The following NEMF variants were observed in gnomAD, a reference collection of about 807,000 sequenced individuals.
NEMF encodes nuclear export mediator factor.
NEMF carries 89 observed loss-of-function variants against 162.2 expected under a neutral mutation model. The observed-to-expected ratio is 0.55, with a 90% confidence interval of 0.46 to 0.65. NEMF has a LOEUF of 0.65. NEMF is among the 30% of genes least tolerant of loss of function. The probability of loss-of-function intolerance (pLI) is 0.00; values close to 1 mark genes in which losing one functional copy is unlikely to be tolerated. For missense variants in NEMF, 1,133 were observed against 1,261.9 expected (o/e 0.90, Z 1.55); for synonymous variants, 421 against 404.5 (o/e 1.04, Z -0.49).
chr14:49,834,732 C>T (rs941631107), intron 6 of NEMF, among the ~76,000 whole-genome samples: 3 of 152,172 alleles, frequency 2.0e-5, no homozygotes, highest in African/African-American at 4.8e-5. Flanking sequence ...ATCCACTCAC[C>T]TCAACCTCCA....
intron 1 of NEMF, among the ~76,000 whole-genome samples, chr14:49,852,173 G>GA (rs61482799): frequency 1.3e-5 from 2 of 151,518 alleles, no homozygotes; most frequent in African/African-American, 4.9e-5. Context: ...TTACAAGGGA[G>GA]AAAAAAAAAA....
Position 49,825,914 on chromosome 14 carries a change from T to C in NEMF, c.1530A>G (p.Lys510=). 6.2e-7 allele frequency: 1 copy of C among 1,611,740 alleles called. No homozygotes were observed. Among genetic ancestry groups the C allele is most frequent in the Admixed American group, 1.7e-5 (1 of 59,962 alleles). ...SAEKKTKQTL[K]EVQTVTSIQK... ...GAATAGAGGTAACAGTCTGAACTTCTTTTAATGTTTGCTTTGTTTTCTTTT... is the reference window on the plus strand; with the variant it reads ...GAATAGAGGTAACAGTCTGAACTTCCTTTAATGTTTGCTTTGTTTTCTTTT... Residue 510 remains lysine (K), a synonymous_variant, in exon 16 of 33, where the codon AAA becomes AAG. Coordinates refer to ENST00000298310, the MANE Select transcript of NEMF (RefSeq NM_004713.6).
chr14:49,846,910 G>C (rs570970633), intron 3 of NEMF, among the ~76,000 whole-genome samples: 1 of 152,218 alleles, frequency 6.6e-6, no homozygotes, highest in Non-Finnish European at 1.5e-5. Flanking sequence ...TTTTGAGAGA[G>C]AGTCTCGCTC....
intron 5 of NEMF, among the ~76,000 whole-genome samples, chr14:49,838,454 T>C (rs953513728): frequency 5.9e-5 from 9 of 152,176 alleles, no homozygotes; most frequent in Admixed American, 3.9e-4. Flanking sequence ...TTGTCAGCAA[T>C]GTGCCCACAT....
At chr14:49,786,890 T>C (rs1029813364) in intron 28 of NEMF, 140 bp from the exon 29 acceptor site, 2 of 688,538 alleles carry the variant, frequency 2.9e-6, no homozygotes, top group African/African-American at 3.6e-5. Flanking sequence ...CTCAAGGTTA[T>C]ATTCTTCCTA....
rs201631894 is a variant in NEMF at position 49,822,351 on chromosome 14, GA to G, written c.1577+3515del. Among the ~76,000 whole-genome samples the G allele has an allele frequency of 3.1e-3, 442 of 143,952 alleles. 16 individuals are homozygous for G. The East Asian group carries it at 0.076, about 25-fold the overall frequency. 94.4% of individuals were successfully genotyped at this position (143,952 alleles called of 152,430 possible). A position where few individuals can be genotyped will look rare whatever the true frequency, so the allele number is the denominator to read the frequency against. ...ACATTTTAATAAAAAAAAAAAAGAG[GA>G]AAAAAAAAAAGTACAAAAGTTAGCC... is the stretch of plus-strand genomic sequence containing the variant. On this transcript the variant is annotated intron_variant, in intron 16 of 32. Transcript: ENST00000298310.
chr14:49,824,367 ACCC>A (rs1892234041), intron 16 of NEMF, among the ~76,000 whole-genome samples: 1 of 151,540 alleles, frequency 6.6e-6, no homozygotes, highest in South Asian at 2.1e-4. Flanking sequence ...GTAAGGTGAA[ACCC>A]CATCTCTACT....
Position 49,806,149 on chromosome 14 carries a change from A to T in NEMF, c.1745-16T>A, listed in dbSNP as rs766691701. On this transcript the variant is annotated splice_polypyrimidine_tract_variant and intron_variant, in intron 18 of 32. Transcript: ENST00000298310. ...ATGGGTTCTCCTAGAATAACAATGCATAATGTTTCAATACCAAAGTATGGA... is the reference window on the plus strand; with the variant it reads ...ATGGGTTCTCCTAGAATAACAATGCTTAATGTTTCAATACCAAAGTATGGA... 1.9e-6 allele frequency: 3 copies of T among 1,583,058 alleles called. No homozygotes were observed. Among genetic ancestry groups the T allele is most frequent in the Non-Finnish European group, 2.6e-6 (3 of 1,158,552 alleles).
rs750691069 is a variant in NEMF, at chr14:49,829,054, C to T, written c.1232G>A (p.Arg411Lys). Residue 411 changes from arginine to lysine, a missense_variant and splice_region_variant, in exon 13 of 33, where the codon AGA becomes AAA. Physicochemically the swap from Arg to Lys is conservative, Grantham distance 26 (BLOSUM62 2). Coordinates refer to ENST00000298310, the MANE Select transcript of NEMF (RefSeq NM_004713.6). The part of the protein sequence containing the change: ...LQTNHVTMLL[R>K]NPYLLSEEED... ...CTGCTTGACTAAGAGTCAAACTTAC[C>T]TTAGCAGCATTGTAACATGGTTTGT... 6.2e-7 allele frequency: 1 copy of T among 1,613,026 alleles called. No homozygotes were observed. Among genetic ancestry groups the T allele is most frequent in the South Asian group, 1.1e-5 (1 of 91,016 alleles).
At position 49,834,171 on chromosome 14, in the gene NEMF, G is replaced by A. The variant is rs557586452; in HGVS notation, c.661+192C>T. ...AGCTGTGCAGTCACCACCCACTGCA[G>A]CCTCAAACACCCAGGCTTAAGTGAT... On this transcript the variant is annotated intron_variant, in intron 7 of 32. Coordinates refer to ENST00000298310, the MANE Select transcript of NEMF (RefSeq NM_004713.6). The A allele has an allele frequency of 6.9e-4, 407 of 587,296 alleles. 6 individuals carry two copies. The South Asian group carries it at 7.1e-3, about 10-fold the overall frequency. The allele number at this position is 587,296 out of a possible 1,614,324, so 36.4% of individuals were successfully genotyped here. A position where few individuals can be genotyped will look rare whatever the true frequency, so the allele number is the denominator to read the frequency against.
At position 49,802,569 on chromosome 14, in the gene NEMF, T is replaced by C. The variant is rs1249813371; in HGVS notation, c.1979A>G (p.Asp660Gly). The stretch of plus-strand genomic sequence containing the variant: ...CTGATGTCTCCAAACACAAGACTCA[T>C]CTACCTAAAGAAACAGTTATTTTTC... ...MMGFSFLFKVDESCVWRHQGE... is the reference protein window; with the variant it reads ...MMGFSFLFKVGESCVWRHQGE... The change falls in exon 22 of 33, where the codon GAT (aspartate) becomes GGT (glycine). Residue 660 changes from aspartate to glycine, a missense_variant. By Grantham distance (94) the Asp-to-Gly change is moderately conservative. Transcript: ENST00000298310. 6.2e-7 allele frequency: 1 copy of C among 1,613,804 alleles called. No homozygotes were observed. Among genetic ancestry groups the C allele is most frequent in the South Asian group, 1.1e-5 (1 of 90,990 alleles).
At chr14:49,789,384 C>CA in intron 27 of NEMF, 41 bp from the exon 28 acceptor site, 1 of 1,611,852 alleles carries the variant, frequency 6.2e-7, no homozygotes, top group Non-Finnish European at 8.5e-7. Context: ...GTTGTATTTT[C>CA]AATACTGTGA....
chr14:49,842,774 A>G (rs1893279106), intron 4 of NEMF, among the ~76,000 whole-genome samples: 1 of 152,198 alleles, frequency 6.6e-6, no homozygotes, highest in South Asian at 2.1e-4. Context: ...TGGGAGGCCA[A>G]GGTGGGCAGA....
chr14:49,846,090 AATG>A lies in NEMF; in HGVS notation c.357+47_357+49del, dbSNP rs1893486510. 4 of 1,558,610 alleles carry A rather than the reference AATG, an allele frequency of 2.6e-6. No homozygotes were observed. The East Asian group carries it at 9.0e-5, about 35-fold the overall frequency. ...CTCATGTTATATAGCACTATTACAA[AATG>A]ATTAATAAGAAATTTTCCTTCACCA... On this transcript the variant is annotated intron_variant, in intron 4 of 32. Transcript: ENST00000298310.
At position 49,817,749 on chromosome 14, in the gene NEMF, A is replaced by G. The variant is rs373304858; in HGVS notation, c.1578-2892T>C. Among the ~76,000 whole-genome samples the G allele has an allele frequency of 2.4e-4, 36 of 152,346 alleles. 1 individual carries two copies. In the East Asian group the frequency reaches 4.8e-3, roughly 20 times the overall value. ...CTTTAGACAAAGTCTTTAAAAAAAC[A>G]CTGCTTACCAAAACTAGGAAATTTG... On this transcript the variant is annotated intron_variant, in intron 16 of 32. Coordinates refer to ENST00000298310, the MANE Select transcript of NEMF (RefSeq NM_004713.6).
In NEMF at chr14:49,790,886, G is replaced by A. The variant is rs566350143; in HGVS notation, c.2620-1313C>T. On this transcript the variant is annotated intron_variant, in intron 26 of 32. Transcript: ENST00000298310. Reference sequence around the variant, plus strand: ...TGCATGCCTGTAATCCCAGCTACTTGGGAGTCTGAGGTAGGAGAATCGCTT... The same window carrying A: ...TGCATGCCTGTAATCCCAGCTACTTAGGAGTCTGAGGTAGGAGAATCGCTT... Among the ~76,000 whole-genome samples the A allele has an allele frequency of 3.4e-4, 52 of 152,204 alleles. 1 individual carries two copies. The highest frequency in any genetic ancestry group is 1.3e-3 in the Admixed American group (20 of 15,286).
Position 49,832,144 on chromosome 14 carries a change from T to C in NEMF, c.807-18A>G, listed in dbSNP as rs772059294. On this transcript the variant is annotated intron_variant, in intron 9 of 32. Coordinates refer to ENST00000298310, the MANE Select transcript of NEMF (RefSeq NM_004713.6). ...CCTCATACCTGTAAAACATATTTAT[T>C]ATATCACATTCGAGAACATTAACAA... 3 of 1,598,404 alleles carry C rather than the reference T, an allele frequency of 1.9e-6. No homozygotes were observed. In the Admixed American group the frequency reaches 5.2e-5, roughly 28 times the overall value.
In NEMF at chr14:49,840,842, C is replaced by G; in HGVS notation, c.382G>C (p.Glu128Gln). The change falls in exon 5 of 33, where the codon GAG becomes CAG. Residue 128 changes from glutamate (E) to glutamine (Q), a missense_variant. Glu to Gln is a conservative substitution (Grantham distance 29). Coordinates refer to ENST00000298310, the MANE Select transcript of NEMF (RefSeq NM_004713.6). Reference protein sequence around the residue: ...DRGNIVLTDYEYVILNILRFR... With the variant: ...DRGNIVLTDYQYVILNILRFR... ...CTTAGAATATTTAAAATTACGTACT[C>G]ATAATCTGTAAGAACAATGTTCCCC... is the stretch of plus-strand genomic sequence containing the variant. 6.2e-7 allele frequency: 1 copy of G among 1,606,836 alleles called. No homozygotes were observed. Among genetic ancestry groups the G allele is most frequent in the Non-Finnish European group, 8.5e-7 (1 of 1,177,968 alleles).
chr14:49,789,192 G>C lies in NEMF; in HGVS notation c.2849C>G (p.Thr950Ser), dbSNP rs1890326164. 6.2e-7 allele frequency: 1 copy of C among 1,614,134 alleles called. No individual in the cohort carries two copies. The highest frequency in any genetic ancestry group is 8.5e-7 in the Non-Finnish European group (1 of 1,180,010). The change falls in exon 28 of 33, where the codon ACT (threonine) becomes AGT (serine). Residue 950 changes from threonine to serine, a missense_variant. Thr to Ser is a moderately conservative substitution (Grantham distance 58). This residue lies in a region of NEMF where 532 missense variants were observed against 578.6 expected (regional missense o/e 0.92). Coordinates refer to ENST00000298310, the MANE Select transcript of NEMF (RefSeq NM_004713.6). The part of the protein sequence containing the change: ...KKETPFLEVI[T>S]HELQDFAVDD... ...TACAGCAAAGTCTTGTAACTCATGA[G>C]TTATAACCTCAAGGAACGGAGTTTC...
Sources: allele counts gnomAD v4.1 joint callset (sites outside exome capture counted in the v4.1 genomes callset), GRCh38; gene constraint gnomAD v4.1.1; regional missense constraint gnomAD v4.1.1; transcripts MANE v1.5; gene names NCBI Gene and HGNC (gene_info 2026-07-23, HGNC 2026-07-21).